GNAO1: variants seen among roughly 807,000 people sequenced by gnomAD.
GNAO1 encodes the protein G protein subunit alpha o1.
For missense variants in GNAO1, 166 were observed against 478.7 expected, an observed-to-expected ratio of 0.35 and a Z score of 6.10; for synonymous variants, 164 against 180.7, an observed-to-expected ratio of 0.91 and a Z score of 0.74.
At chr16:56,272,896 G>A (rs2037030906) in intron 2 of GNAO1, among the ~76,000 whole-genome samples, 1 of 152,160 alleles carries the variant, frequency 6.6e-6, no homozygotes, top group Admixed American at 6.5e-5. Flanking sequence ...GAAACTCAAT[G>A]CACTGGCTTC....
intron 2 of GNAO1, among the ~76,000 whole-genome samples, chr16:56,253,564 C>T (rs1221103555): frequency 6.6e-5 from 10 of 152,296 alleles, no homozygotes; most frequent in South Asian, 4.1e-4. Context: ...CCCTGTGGGG[C>T]GGGTGTTGGT....
chr16:56,273,764 C>T (rs1224684622), intron 2 of GNAO1, among the ~76,000 whole-genome samples: 3 of 152,198 alleles, frequency 2.0e-5, no homozygotes, highest in East Asian at 1.9e-4. Context: ...AGCTCAGCCC[C>T]GTTGCTATGG....
intron 2 of GNAO1, among the ~76,000 whole-genome samples, chr16:56,210,033 C>T (rs1289079744): frequency 6.6e-6 from 1 of 152,198 alleles, no homozygotes; most frequent in Non-Finnish European, 1.5e-5. Flanking sequence ...TAAAAATCCT[C>T]TGTGCTCCAC....
intron 2 of GNAO1, among the ~76,000 whole-genome samples, chr16:56,220,191 G>A (rs1007804717): frequency 5.9e-5 from 9 of 152,022 alleles, no homozygotes; most frequent in African/African-American, 2.2e-4. Flanking sequence ...CTGGGACAAG[G>A]CTCCTGAGTC....
intron 2 of GNAO1, among the ~76,000 whole-genome samples, chr16:56,257,870 G>A (rs374094787): frequency 3.3e-5 from 5 of 152,324 alleles, no homozygotes; most frequent in South Asian, 2.1e-4. Flanking sequence ...CTGATGGGGC[G>A]TGTGGATCAC....
intron 6 of GNAO1, among the ~76,000 whole-genome samples, chr16:56,338,935 A>C (rs1275910776): frequency 6.6e-6 from 1 of 152,024 alleles, no homozygotes; most frequent in African/African-American, 2.4e-5. Flanking sequence ...ACCCTTCCAC[A>C]CAAGGGCTGG....
chr16:56,226,933 G>A (rs1232733398), intron 2 of GNAO1, among the ~76,000 whole-genome samples: 1 of 152,148 alleles, frequency 6.6e-6, no homozygotes, highest in East Asian at 1.9e-4. Flanking sequence ...CTACATTTTT[G>A]GGATTTAAAA....
chr16:56,290,983 A>G (rs1408700501), intron 3 of GNAO1, among the ~76,000 whole-genome samples: 4 of 152,232 alleles, frequency 2.6e-5, no homozygotes, highest in Admixed American at 1.3e-4. Context: ...ATTTCATTGT[A>G]TGGATATACC....
chr16:56,248,522 C>G (rs2036770557), intron 2 of GNAO1, among the ~76,000 whole-genome samples: 1 of 152,106 alleles, frequency 6.6e-6, no homozygotes, highest in African/African-American at 2.4e-5. Context: ...CCTCAGCTTC[C>G]AGGATGGAAA....
chr16:56,314,409 C>T (rs1020465605), intron 3 of GNAO1, among the ~76,000 whole-genome samples: 1 of 152,194 alleles, frequency 6.6e-6, no homozygotes, highest in African/African-American at 2.4e-5. Context: ...GGGATGAGTC[C>T]GGCTTGCAAC....
chr16:56,304,883 G>A (rs758762518), intron 3 of GNAO1, among the ~76,000 whole-genome samples: 2 of 152,234 alleles, frequency 1.3e-5, no homozygotes, highest in African/African-American at 2.4e-5. Flanking sequence ...CTGAATAGGT[G>A]GGTGACAAGG....
At chr16:56,300,715 A>G (rs1187339852) in intron 3 of GNAO1, 1 of 152,220 alleles carries the variant, frequency 6.6e-6, no homozygotes, top group Non-Finnish European at 1.5e-5. Flanking sequence ...AAAAAAAATA[A>G]TATTTTTTAA....
At chr16:56,314,852 C>T (rs1185575632) in intron 3 of GNAO1, among the ~76,000 whole-genome samples, 18 of 152,104 alleles carry the variant, frequency 1.2e-4, no homozygotes, top group African/African-American at 3.1e-4. Context: ...CTTTGAGAAC[C>T]GCTGATCTAG....
chr16:56,355,155 C>CACACACACACACA lies in GNAO1; in HGVS notation c.*28+74_*28+75insACACACACACACA, dbSNP rs1596883747. 1.2e-4 allele frequency: 60 copies of CACACACACACACA among 512,350 alleles called. 4 individuals carry two copies. In the South Asian group the frequency reaches 2.1e-3, roughly 18 times the overall value. 31.7% of individuals were successfully genotyped at this position (512,350 alleles called of 1,614,324 possible). A position where few individuals can be genotyped will look rare whatever the true frequency, so the allele number is the denominator to read the frequency against. ...ACACACACACACACACACACACACACCACTAACAAATGCAAGTTGGTAAAT... is the reference window on the plus strand; with the variant it reads ...ACACACACACACACACACACACACACACACACACACACACACTAACAAATGCAAGTTGGTAAAT... On this transcript the variant is annotated intron_variant, in intron 8 of 8. Transcript: ENST00000262493.
At chr16:56,210,544 T>C (rs2143330020) in intron 2 of GNAO1, among the ~76,000 whole-genome samples, 1 of 152,378 alleles carries the variant, frequency 6.6e-6, no homozygotes, top group South Asian at 2.1e-4. Flanking sequence ...CAGCAACAAA[T>C]GCGAGTTCCT....
chr16:56,320,744 G>A (rs1283255703), intron 3 of GNAO1, among the ~76,000 whole-genome samples: 3 of 152,154 alleles, frequency 2.0e-5, no homozygotes, highest in Non-Finnish European at 2.9e-5. Context: ...CTATACATCC[G>A]AGGAAATGCA....
intron 3 of GNAO1, 150 bp from the exon 4 acceptor site, chr16:56,328,481 C>T (rs979338230): frequency 5.5e-6 from 4 of 732,718 alleles, no homozygotes; most frequent in East Asian, 5.3e-5. Context: ...CAGGTCGTGG[C>T]CCTCCCTGGA....
In GNAO1 at chr16:56,250,190, G is replaced by A. The variant is rs142606472; in HGVS notation, c.162-25741G>A. ...TATGTCCCTCAGACAAGTTGGCGGGGTTGATGAGTTGTATACAGTGTGGCA... is the reference window on the plus strand; with the variant it reads ...TATGTCCCTCAGACAAGTTGGCGGGATTGATGAGTTGTATACAGTGTGGCA... On this transcript the variant is annotated intron_variant, in intron 2 of 8. Coordinates refer to ENST00000262493, the MANE Select transcript of GNAO1 (RefSeq NM_020988.3). 8.9e-4 allele frequency among the ~76,000 whole-genome samples: 135 copies of A among 152,290 alleles called. 1 individual carries two copies. The East Asian group carries it at 0.021, about 24-fold the overall frequency.
At chr16:56,250,406 A>G (rs2143453870) in intron 2 of GNAO1, among the ~76,000 whole-genome samples, 1 of 152,290 alleles carries the variant, frequency 6.6e-6, no homozygotes, top group East Asian at 1.9e-4. Context: ...TATTCCTCTG[A>G]GCACTTCCAC....
Sources: gnomAD v4.1 joint callset for allele counts (sites outside exome capture counted in the v4.1 genomes callset) on GRCh38, gnomAD v4.1.1 for gene constraint, MANE v1.5 for transcripts, NCBI Gene and HGNC (gene_info 2026-07-23, HGNC 2026-07-21) for gene names.